BLTP3B: variants seen among roughly 807,000 people sequenced by gnomAD.
BLTP3B encodes the protein bridge-like lipid transfer protein family member 3B.
chr12:100,040,623 T>C, the BLTP3B span, among the ~76,000 whole-genome samples: 2 of 151,796 alleles, frequency 1.3e-5, no homozygotes, highest in East Asian at 3.9e-4. Flanking sequence ...GAGGCGGAGG[T>C]TGCAGTGAGC....
At chr12:100,061,715 T>G in the BLTP3B span, among the ~76,000 whole-genome samples, 1 of 150,708 alleles carries the variant, frequency 6.6e-6, no homozygotes, top group African/African-American at 2.4e-5. Context: ...AGTCTACTTA[T>G]AAAACAGATT....
chr12:100,142,478 C>T, the BLTP3B span: 3 of 1,198,134 alleles, frequency 2.5e-6, no homozygotes, highest in Non-Finnish European at 3.5e-6. Context: ...CGGGGAAGTC[C>T]GAAGGTCGCC....
At chr12:100,083,000 G>T in the BLTP3B span, 1 of 1,585,414 alleles carries the variant, frequency 6.3e-7, no homozygotes. Flanking sequence ...AAACTTAATT[G>T]GAAAAGAAAA....
At chr12:100,085,593 C>A in the BLTP3B span, among the ~76,000 whole-genome samples, 3 of 151,686 alleles carry the variant, frequency 2.0e-5, no homozygotes, top group Non-Finnish European at 4.4e-5. Context: ...GGTTAAAAAA[C>A]GTGTAAACAA....
chr12:100,051,013 C>T, the BLTP3B span: 2 of 1,580,078 alleles, frequency 1.3e-6, no homozygotes, highest in Admixed American at 1.9e-5. Flanking sequence ...AAAATATATA[C>T]ATGTCAAATA....
chr12:100,101,841 T>C, the BLTP3B span, among the ~76,000 whole-genome samples: 1 of 152,206 alleles, frequency 6.6e-6, no homozygotes, highest in African/African-American at 2.4e-5. Context: ...TCTCTCTCCA[T>C]CACCCAGGCT....
chr12:100,043,568 G>A, the BLTP3B span, among the ~76,000 whole-genome samples: 1 of 152,028 alleles, frequency 6.6e-6, no homozygotes, highest in Admixed American at 6.6e-5. Context: ...CTATTTTCTT[G>A]TTCATGTTTA....
At chr12:100,042,418 G>A in the BLTP3B span, among the ~76,000 whole-genome samples, 3 of 152,190 alleles carry the variant, frequency 2.0e-5, no homozygotes, top group Admixed American at 1.3e-4. Flanking sequence ...CAGTGTGGTA[G>A]TATCAAAGAC....
the BLTP3B span, among the ~76,000 whole-genome samples, chr12:100,131,149 A>T: frequency 6.6e-6 from 1 of 151,776 alleles, no homozygotes; most frequent in African/African-American, 2.4e-5. Context: ...CATCTCTACC[A>T]AAAATACAAT....
the BLTP3B span, among the ~76,000 whole-genome samples, chr12:100,101,891 C>A: frequency 2.0e-5 from 3 of 152,172 alleles, no homozygotes; most frequent in African/African-American, 4.8e-5. Flanking sequence ...GCAGCCTTGA[C>A]CTCCCGGGTT....
the BLTP3B span, among the ~76,000 whole-genome samples, chr12:100,116,506 T>C: frequency 2.1e-5 from 3 of 142,488 alleles, no homozygotes; most frequent in African/African-American, 5.2e-5. Flanking sequence ...ATGTTCTCAA[T>C]AGAGCCCAAA....
At chr12:100,142,823 C>A in the BLTP3B span, 5 of 754,936 alleles carry the variant, frequency 6.6e-6, no homozygotes, top group African/African-American at 3.8e-5. Context: ...ACGCTCAGGC[C>A]GCCACGGCCG....
chr12:100,085,799 C>T, the BLTP3B span, among the ~76,000 whole-genome samples: 3 of 151,858 alleles, frequency 2.0e-5, no homozygotes, highest in Non-Finnish European at 1.5e-5. Flanking sequence ...TCTACCAATA[C>T]CAGATTGTTA....
the BLTP3B span, among the ~76,000 whole-genome samples, chr12:100,094,790 G>A: frequency 6.6e-6 from 1 of 152,218 alleles, no homozygotes; most frequent in African/African-American, 2.4e-5. Context: ...AACCTGGGAG[G>A]TGGAGGTTGC....
At chr12:100,136,641 A>C in the BLTP3B span, among the ~76,000 whole-genome samples, 2 of 152,222 alleles carry the variant, frequency 1.3e-5, no homozygotes, top group Non-Finnish European at 2.9e-5. Context: ...CATTTGAAAA[A>C]ATAATGTCTG....
At chr12:100,135,400 C>T in the BLTP3B span, among the ~76,000 whole-genome samples, 1 of 151,830 alleles carries the variant, frequency 6.6e-6, no homozygotes, top group African/African-American at 2.4e-5. Flanking sequence ...TCTCTAGTAG[C>T]TGAGACTACA....
the BLTP3B span, chr12:100,142,825 C>A: frequency 1.3e-6 from 1 of 760,032 alleles, no homozygotes; most frequent in Non-Finnish European, 2.0e-6. Context: ...GCTCAGGCCG[C>A]CACGGCCGCC....
At chr12:100,111,962 G>A in the BLTP3B span, among the ~76,000 whole-genome samples, 1 of 151,734 alleles carries the variant, frequency 6.6e-6, no homozygotes, top group Non-Finnish European at 1.5e-5. Context: ...GGCTGATATC[G>A]AATCCCTGGG....
the BLTP3B span, among the ~76,000 whole-genome samples, chr12:100,070,994 G>GA: frequency 1.4e-4 from 21 of 149,018 alleles, no homozygotes; most frequent in Non-Finnish European, 2.5e-4. Flanking sequence ...ATCTGTCTCA[G>GA]AAAAAAAAAC....
Sources: gnomAD v4.1 joint callset for allele counts (sites outside exome capture counted in the v4.1 genomes callset) on GRCh38, gnomAD v4.1.1 for gene constraint, MANE v1.5 for transcripts, NCBI Gene and HGNC (gene_info 2026-07-23, HGNC 2026-07-21) for gene names.